NRG1: variants seen among roughly 807,000 people sequenced by gnomAD.
The protein encoded by NRG1 is neuregulin 1, also known as pro-neuregulin-1, membrane-bound isoform.
A neutral mutation model predicts 63.8 loss-of-function variants in NRG1; 18 were observed. The observed-to-expected ratio is 0.28, with a 90% CI of 0.19 to 0.42. The LOEUF (loss-of-function observed/expected upper bound fraction) is 0.42. Ranked by LOEUF, NRG1 falls within the 10% of genes least tolerant of loss-of-function variation. NRG1 has a pLI of 1.00. For synonymous variants in NRG1, 302 were observed against 301.3 expected (o/e 1.00, Z -0.02); for missense variants, 762 against 814.7 (o/e 0.94, Z 0.79).
chr8:32,723,883 C>G (rs1254321422), intron 5 of NRG1, among the ~76,000 whole-genome samples: 1 of 151,964 alleles, frequency 6.6e-6, no homozygotes, highest in African/African-American at 2.4e-5. Context: ...TTTGGAACCT[C>G]TAAATGATAA....
intron 1 of NRG1, among the ~76,000 whole-genome samples, chr8:31,826,397 T>C (rs1824563988): frequency 6.6e-6 from 1 of 152,100 alleles, no homozygotes; most frequent in Non-Finnish European, 1.5e-5. Flanking sequence ...TCTCACAAGA[T>C]CTGATGGTTT....
intron 1 of NRG1, among the ~76,000 whole-genome samples, chr8:31,935,210 G>C (rs1259359072): frequency 1.3e-5 from 2 of 151,936 alleles, no homozygotes; most frequent in Non-Finnish European, 2.9e-5. Flanking sequence ...TCAACCTCCT[G>C]GGCTCAAGTA....
intron 6 of NRG1, among the ~76,000 whole-genome samples, chr8:32,732,806 T>TTC (rs1313939943): frequency 1.4e-5 from 2 of 141,106 alleles, no homozygotes; most frequent in African/African-American, 5.3e-5. Context: ...TTTCTTTTTT[T>TTC]TTTTTTTTTT....
intron 1 of NRG1, among the ~76,000 whole-genome samples, chr8:32,136,035 G>C (rs1051561727): frequency 5.3e-5 from 8 of 152,114 alleles, no homozygotes; most frequent in African/African-American, 1.7e-4. Flanking sequence ...AGATGAGGGT[G>C]GTGTAGGGAG....
intron 1 of NRG1, among the ~76,000 whole-genome samples, chr8:32,455,133 C>T (rs998619469): frequency 5.3e-5 from 8 of 152,134 alleles, no homozygotes; most frequent in Admixed American, 5.2e-4. Context: ...AAGGTACCCC[C>T]ATCGTTAAGC....
intron 1 of NRG1, among the ~76,000 whole-genome samples, chr8:32,151,992 C>T (rs966970647): frequency 5.3e-5 from 8 of 152,110 alleles, no homozygotes; most frequent in South Asian, 2.1e-4. Context: ...GTGAGTTAGG[C>T]GAAGTGCACA....
At chr8:32,505,635 C>A (rs1463375436) in intron 1 of NRG1, among the ~76,000 whole-genome samples, 8 of 152,142 alleles carry the variant, frequency 5.3e-5, no homozygotes, top group African/African-American at 1.2e-4. Flanking sequence ...GAGCTGAGAC[C>A]CTCATGGTCA....
At chr8:32,375,165 G>T (rs1012104395) in intron 1 of NRG1, among the ~76,000 whole-genome samples, 2 of 151,184 alleles carry the variant, frequency 1.3e-5, no homozygotes, top group Admixed American at 1.3e-4. Context: ...TTTTTTTAGA[G>T]ATGAGGCCTT....
chr8:32,505,112 ATTG>A (rs1319646919), intron 1 of NRG1, among the ~76,000 whole-genome samples: 1 of 152,118 alleles, frequency 6.6e-6, no homozygotes, highest in African/African-American at 2.4e-5. Context: ...GCTGCGTATC[ATTG>A]TTGTTATTAT....
At chr8:32,401,528 T>C (rs1352774402) in intron 1 of NRG1, among the ~76,000 whole-genome samples, 1 of 152,084 alleles carries the variant, frequency 6.6e-6, no homozygotes, top group East Asian at 1.9e-4. Context: ...TTGCATTCTA[T>C]AGTCATTCGA....
At chr8:32,312,157 GTTTTTTT>G (rs35888973) in intron 1 of NRG1, among the ~76,000 whole-genome samples, 2 of 74,400 alleles carry the variant, frequency 2.7e-5, no homozygotes, top group African/African-American at 1.1e-4. Context: ...GACCTTGTTT[GTTTTTTT>G]TTTTTTTTTT....
At chr8:32,506,211 G>A (rs1828506932) in intron 1 of NRG1, among the ~76,000 whole-genome samples, 1 of 152,144 alleles carries the variant, frequency 6.6e-6, no homozygotes, top group Non-Finnish European at 1.5e-5. Flanking sequence ...TCGCAACACT[G>A]CGCTCCAGCC....
chr8:32,209,258 T>G (rs1844405496), intron 1 of NRG1, among the ~76,000 whole-genome samples: 1 of 152,172 alleles, frequency 6.6e-6, no homozygotes, highest in Non-Finnish European at 1.5e-5. Flanking sequence ...CCATTATTTA[T>G]TTATAAAATT....
chr8:31,985,518 C>A (rs560215637), intron 1 of NRG1, among the ~76,000 whole-genome samples: 1 of 152,106 alleles, frequency 6.6e-6, no homozygotes, highest in African/African-American at 2.4e-5. Context: ...GGACCTGATA[C>A]ACAAAAATAT....
chr8:32,257,090 G>A (rs2129471195), intron 1 of NRG1, among the ~76,000 whole-genome samples: 1 of 152,112 alleles, frequency 6.6e-6, no homozygotes, highest in East Asian at 1.9e-4. Flanking sequence ...ACTGTGAGGG[G>A]AAAACTGCCT....
At chr8:32,408,244 T>C (rs914081439) in intron 1 of NRG1, among the ~76,000 whole-genome samples, 1 of 152,162 alleles carries the variant, frequency 6.6e-6, no homozygotes, top group Non-Finnish European at 1.5e-5. Flanking sequence ...GTGATGAGCA[T>C]GTGTCATTAA....
chr8:32,374,041 AT>A (rs199884002), intron 1 of NRG1, among the ~76,000 whole-genome samples: 8 of 151,298 alleles, frequency 5.3e-5, no homozygotes, highest in East Asian at 3.9e-4. Flanking sequence ...TATGTGTACA[AT>A]TTTTTTTTAG....
chr8:31,861,522 G>A (rs1023595129), intron 1 of NRG1, among the ~76,000 whole-genome samples: 2 of 152,122 alleles, frequency 1.3e-5, no homozygotes, highest in African/African-American at 4.8e-5. Context: ...ATACAATAAA[G>A]TTGTCCACCA....
At chr8:32,076,644 G>T (rs1164942157) in intron 1 of NRG1, among the ~76,000 whole-genome samples, 1 of 150,990 alleles carries the variant, frequency 6.6e-6, no homozygotes, top group East Asian at 1.9e-4. Flanking sequence ...TGGGTGATAA[G>T]ATAGTCTTTA....
Sources: gnomAD v4.1 joint callset for allele counts (sites outside exome capture counted in the v4.1 genomes callset) on GRCh38, gnomAD v4.1.1 for gene constraint, MANE v1.5 for transcripts, NCBI Gene and HGNC (gene_info 2026-07-23, HGNC 2026-07-21) for gene names.